The following IL31 variants were observed in gnomAD, a reference collection of about 807,000 sequenced individuals.
IL31 encodes interleukin-31.
In IL31, 8 loss-of-function variants were observed where a neutral mutation model predicts 7.8. That is an observed-to-expected ratio of 1.02 (90% CI 0.60 to 1.84). The LOEUF is 1.84. IL31 is among the 40% of genes most tolerant of loss of function. The pLI is 0.00. For synonymous variants in IL31, 87 were observed against 86.5 expected, an observed-to-expected ratio of 1.01 and a Z score of -0.03; for missense variants, 162 against 205.6, an observed-to-expected ratio of 0.79 and a Z score of 1.30.
chr12:122,172,271 G>T lies in IL31; in HGVS notation c.*141C>A. 1.6e-6 allele frequency: 1 copy of T among 636,014 alleles called. No individual in the cohort carries two copies. Among genetic ancestry groups the T allele is most frequent in the Non-Finnish European group, 2.8e-6 (1 of 361,760 alleles). 39.4% of individuals were successfully genotyped at this position (636,014 alleles called of 1,614,324 possible). A position where few individuals can be genotyped will look rare whatever the true frequency, so the allele number is the denominator to read the frequency against. On this transcript the variant is annotated 3_prime_UTR_variant, in exon 3 of 3. Coordinates refer to ENST00000377035, the MANE Select transcript of IL31 (RefSeq NM_001014336.2). ...CAAATTCACATCTCAGCCCTCCCGG[G>T]ACTAGCCCATATGAGGGGTCCCTGA...
intron 2 of IL31, among the ~76,000 whole-genome samples, chr12:122,173,203 G>C (rs371198975): frequency 6.6e-6 from 1 of 152,022 alleles, no homozygotes; most frequent in African/African-American, 2.4e-5. Flanking sequence ...CTCTTTCTAA[G>C]TACTAACTAG....
In IL31 at chr12:122,173,857, A is replaced by AT; in HGVS notation, c.151dup (p.Met51AsnfsTer26). On this transcript the variant is annotated frameshift_variant, in exon 2 of 3. Transcript: ENST00000377035. LOFTEE classifies it low-confidence loss of function (END_TRUNC). ...TAGGACACTCACATCTTTCAAAAGCATCTTCGAGAGGGACTGTAATTCCTC... is the reference window on the plus strand; with the variant it reads ...TAGGACACTCACATCTTTCAAAAGCATTCTTCGAGAGGGACTGTAATTCCTC... The AT allele has an allele frequency of 6.2e-7, 1 of 1,613,872 alleles. No individual in the cohort carries two copies. Among genetic ancestry groups the AT allele is most frequent in the South Asian group, 1.1e-5 (1 of 91,036 alleles).
intron 2 of IL31, among the ~76,000 whole-genome samples, chr12:122,173,257 C>T (rs1021956551): frequency 6.6e-6 from 1 of 152,102 alleles, no homozygotes; most frequent in Non-Finnish European, 1.5e-5. Context: ...CCTGAACTGC[C>T]CAGTCATCTT....
chr12:122,173,221 C>T (rs186441827), intron 2 of IL31, among the ~76,000 whole-genome samples: 1 of 152,252 alleles, frequency 6.6e-6, no homozygotes, highest in Admixed American at 6.5e-5. Flanking sequence ...TAGAGTCAGA[C>T]CAAATTGCCA....
intron 2 of IL31, 107 bp from the exon 3 acceptor site, chr12:122,172,848 T>C: frequency 1.2e-6 from 1 of 854,820 alleles, no homozygotes; most frequent in Non-Finnish European, 1.8e-6. Context: ...TTGATATATT[T>C]ATCTGATCAA....
intron 2 of IL31, 135 bp from the exon 3 acceptor site, chr12:122,172,876 G>C: frequency 1.4e-6 from 1 of 726,274 alleles, no homozygotes; most frequent in Non-Finnish European, 2.3e-6. Context: ...ACCCTATGAG[G>C]CTGTGCCATC....
Position 122,172,586 on chromosome 12 carries a change from G to T in IL31, c.321C>A (p.Ile107=). 1 of 1,614,168 alleles carries T rather than the reference G, an allele frequency of 6.2e-7. No homozygotes were observed. The highest frequency in any genetic ancestry group is 1.1e-5 in the South Asian group (1 of 91,084). Reference sequence around the variant, plus strand: ...ATATGAGTTTGTCGAGGTGCTCTATGATCTCATCAATAACAGATTTGTTGT... The same window carrying T: ...ATATGAGTTTGTCGAGGTGCTCTATTATCTCATCAATAACAGATTTGTTGT... ...QLDNKSVIDE[I]IEHLDKLIFQ... is the part of the protein sequence containing the mutation. Residue 107 remains isoleucine (I), a synonymous_variant, in exon 3 of 3, where the codon ATC becomes ATA. Coordinates refer to ENST00000377035, the MANE Select transcript of IL31 (RefSeq NM_001014336.2).
rs886453318 is a variant in IL31 at position 122,172,305 on chromosome 12, A to G, written c.*107T>C. 11 of 816,518 alleles carry G rather than the reference A, an allele frequency of 1.3e-5. No individual in the cohort carries two copies. Among genetic ancestry groups the G allele is most frequent in the Middle Eastern group, 4.7e-4 (2 of 4,234 alleles). The allele number at this position is 816,518 out of a possible 1,614,324, so 50.6% of individuals were successfully genotyped here. A position where few individuals can be genotyped will look rare whatever the true frequency, so the allele number is the denominator to read the frequency against. ...ATATGAGGGGTCCCTGAGATTATTC[A>G]TTGGAAAAATGTACTTAAGGAATCA... On this transcript the variant is annotated 3_prime_UTR_variant, in exon 3 of 3. Transcript: ENST00000377035.
chr12:122,173,770 G>GAGGA lies in IL31; in HGVS notation c.165+70_165+73dup, dbSNP rs1953511003. The GAGGA allele has an allele frequency of 2.2e-6, 3 of 1,351,848 alleles. No individual in the cohort carries two copies. In the Admixed American group the frequency reaches 5.4e-5, roughly 24 times the overall value. The allele number at this position is 1,351,848 out of a possible 1,614,324, so 83.7% of individuals were successfully genotyped here. A position where few individuals can be genotyped will look rare whatever the true frequency, so the allele number is the denominator to read the frequency against. On this transcript the variant is annotated intron_variant, in intron 2 of 2. Transcript: ENST00000377035. ...ACAGCCCTGGTTTCAGGTCCGGAGA[G>GAGGA]AGGAGCCTCTTTGGAGGGCAATGGA...
chr12:122,173,422 G>A (rs771728061), intron 2 of IL31, among the ~76,000 whole-genome samples: 3 of 152,206 alleles, frequency 2.0e-5, no homozygotes, highest in Non-Finnish European at 2.9e-5. Flanking sequence ...AGTGGCTCAC[G>A]CCTGTAATCC....
At chr12:122,173,702 A>G (rs898441424) in intron 2 of IL31, 142 bp downstream of exon 2, 19 of 667,014 alleles carry the variant, frequency 2.8e-5, no homozygotes, top group Non-Finnish European at 5.1e-6. Flanking sequence ...AAAAAAAGCC[A>G]TCTTTGCCTG....
intron 1 of IL31, 58 bp from the exon 2 acceptor site, chr12:122,174,050 C>T (rs573504841): frequency 1.2e-6 from 2 of 1,613,050 alleles, no homozygotes; most frequent in Non-Finnish European, 1.7e-6. Context: ...CACCCTGGCT[C>T]CATCCCTGCA....
intron 2 of IL31, 43 bp from the exon 3 acceptor site, chr12:122,172,784 C>A: frequency 6.9e-7 from 1 of 1,459,516 alleles, no homozygotes; most frequent in South Asian, 1.2e-5. Flanking sequence ...TTTGCAATGA[C>A]AGCTGCAAGT....
chr12:122,173,717 G>A lies in IL31; in HGVS notation c.165+127C>T. The A allele has an allele frequency of 1.3e-5, 10 of 764,464 alleles. No homozygotes were observed. The South Asian group carries it at 1.6e-4, about 12-fold the overall frequency. The allele number at this position is 764,464 out of a possible 1,614,324, so 47.4% of individuals were successfully genotyped here. On this transcript the variant is annotated intron_variant, in intron 2 of 2. Coordinates refer to ENST00000377035, the MANE Select transcript of IL31 (RefSeq NM_001014336.2). ...AAAAAAAGCCATCTTTGCCTGTCTA[G>A]TTTCCCCCATCCCTTCCTGGCATAG...
Position 122,172,491 on chromosome 12 carries a change from G to A in IL31, c.416C>T (p.Thr139Ile). 3.1e-6 allele frequency: 5 copies of A among 1,614,108 alleles called. No individual in the cohort carries two copies. Among genetic ancestry groups the A allele is most frequent in the Non-Finnish European group, 4.2e-6 (5 of 1,179,974 alleles). ...DTHECKRFILTISQQFSECMD... is the reference protein window; with the variant it reads ...DTHECKRFILIISQQFSECMD... ...GCACTCTGAAAACTGTTGAGAAATA[G>A]TCAGGATGAAGCGTTTACATTCATG... The change falls in exon 3 of 3, where the codon ACT becomes ATT. Residue 139 changes from threonine (T) to isoleucine (I), a missense_variant. Coordinates refer to ENST00000377035, the MANE Select transcript of IL31 (RefSeq NM_001014336.2).
In IL31 at chr12:122,173,932, G is replaced by A. The variant is rs769337014; in HGVS notation, c.77C>T (p.Thr26Met). Residue 26 changes from threonine to methionine, a missense_variant, in exon 2 of 3, where the codon ACG becomes ATG. Physicochemically the swap from Thr to Met is moderately conservative, Grantham distance 81. Coordinates refer to ENST00000377035, the MANE Select transcript of IL31 (RefSeq NM_001014336.2). ...TGGTCGTAGTAAACGGACGGGCAAC[G>A]TGTGGGAGGCCAGCCAGCCTCCCAG... The part of the protein sequence containing the change: ...CCLGGWLASH[T>M]LPVRLLRPSD... 18 of 1,614,116 alleles carry A rather than the reference G, an allele frequency of 1.1e-5. No individual in the cohort carries two copies. In the Admixed American group the frequency reaches 1.5e-4, roughly 13 times the overall value.
chr12:122,173,133 C>T (rs921861906), intron 2 of IL31, among the ~76,000 whole-genome samples: 1 of 152,018 alleles, frequency 6.6e-6, no homozygotes, highest in Non-Finnish European at 1.5e-5. Context: ...GAAAGGCCTC[C>T]GAGATGCAGG....
rs557327465 is a variant in IL31 at position 122,173,931 on chromosome 12, C to T, written c.78G>A (p.Thr26=). 1.4e-5 allele frequency: 22 copies of T among 1,614,136 alleles called. No homozygotes were observed. The highest frequency in any genetic ancestry group is 2.7e-5 in the African/African-American group (2 of 75,022). Residue 26 remains threonine (T), a synonymous_variant, in exon 2 of 3, where the codon ACG becomes ACA. Coordinates refer to ENST00000377035, the MANE Select transcript of IL31 (RefSeq NM_001014336.2). ...TTGGTCGTAGTAAACGGACGGGCAACGTGTGGGAGGCCAGCCAGCCTCCCA... is the reference window on the plus strand; with the variant it reads ...TTGGTCGTAGTAAACGGACGGGCAATGTGTGGGAGGCCAGCCAGCCTCCCA... The part of the protein sequence containing the change: ...CCLGGWLASH[T]LPVRLLRPSD...
rs567137039 is a variant in IL31, at chr12:122,173,790, A to G, written c.165+54T>C. 17 of 1,522,992 alleles carry G rather than the reference A, an allele frequency of 1.1e-5. No individual in the cohort carries two copies. The East Asian group carries it at 3.4e-4, about 30-fold the overall frequency. 94.3% of individuals were successfully genotyped at this position (1,522,992 alleles called of 1,614,324 possible). On this transcript the variant is annotated intron_variant, in intron 2 of 2. Coordinates refer to ENST00000377035, the MANE Select transcript of IL31 (RefSeq NM_001014336.2). ...GGAGAGAGGAGCCTCTTTGGAGGGC[A>G]ATGGAAGGCATTTTTAAGAAATCGT... is the stretch of plus-strand genomic sequence containing the variant.
Sources: gnomAD v4.1 joint callset for allele counts (sites outside exome capture counted in the v4.1 genomes callset) on GRCh38, gnomAD v4.1.1 for gene constraint, MANE v1.5 for transcripts, NCBI Gene and HGNC (gene_info 2026-07-23, HGNC 2026-07-21) for gene names.